The following PDLIM5 variants were observed in gnomAD, a reference collection of about 807,000 sequenced individuals.
The protein encoded by PDLIM5 is PDZ and LIM domain 5.
PDLIM5 carries 34 observed loss-of-function variants against 64.2 expected under a neutral mutation model. That is an observed-to-expected ratio of 0.53 (90% CI 0.40 to 0.71). PDLIM5 has a LOEUF of 0.71. Among genes scored for constraint, PDLIM5 ranks in the 30% least tolerant of loss-of-function variants. The pLI, the probability that PDLIM5 is intolerant of heterozygous loss-of-function variation, is 0.00. For missense variants in PDLIM5, 683 were observed against 733.6 expected (o/e 0.93, Z 0.80); for synonymous variants, 253 against 269.1 (o/e 0.94, Z 0.59).
chr4:94,573,447 C>T, intron 4 of PDLIM5, 54 bp downstream of exon 4: 2 of 1,291,026 alleles, frequency 1.5e-6, no homozygotes, highest in South Asian at 2.4e-5. Flanking sequence ...TGCTGAGCTA[C>T]TGTAATTCCC....
At chr4:94,493,505 G>T (rs1200010521) in intron 2 of PDLIM5, among the ~76,000 whole-genome samples, 1 of 151,870 alleles carries the variant, frequency 6.6e-6, no homozygotes, top group Non-Finnish European at 1.5e-5. Context: ...TGGTAGTGAC[G>T]GAGTTTCATC....
intron 5 of PDLIM5, chr4:94,584,788 T>G (rs929757032): frequency 2.1e-5 from 11 of 519,812 alleles, no homozygotes; most frequent in African/African-American, 1.6e-4. Flanking sequence ...ATATTGATAT[T>G]AATGGCCGTT....
At chr4:94,546,379 C>T (rs891167899) in intron 3 of PDLIM5, among the ~76,000 whole-genome samples, 5 of 152,024 alleles carry the variant, frequency 3.3e-5, no homozygotes, top group Non-Finnish European at 7.4e-5. Flanking sequence ...GGAATAGTTG[C>T]TCATTGGAAG....
chr4:94,456,745 T>G lies in PDLIM5; in HGVS notation c.96+1361T>G, dbSNP rs1723408849. 4.9e-6 allele frequency: 6 copies of G among 1,225,186 alleles called. No individual in the cohort carries two copies. The African/African-American group carries it at 9.5e-5, about 19-fold the overall frequency. The allele number at this position is 1,225,186 out of a possible 1,614,324, so 75.9% of individuals were successfully genotyped here. ...GTGAATATATGTATCTACGTCATTT[T>G]GAAAGGTTGTGCCAATTTACACTTT... is the stretch of plus-strand genomic sequence containing the variant. On this transcript the variant is annotated intron_variant, in intron 2 of 12. Coordinates refer to ENST00000317968, the MANE Select transcript of PDLIM5 (RefSeq NM_006457.5).
At chr4:94,480,406 A>C (rs1377420632) in intron 2 of PDLIM5, among the ~76,000 whole-genome samples, 1 of 152,244 alleles carries the variant, frequency 6.6e-6, no homozygotes, top group South Asian at 2.1e-4. Flanking sequence ...TTGGTAGAGC[A>C]GAGAAATCAA....
intron 8 of PDLIM5, among the ~76,000 whole-genome samples, chr4:94,628,059 A>G (rs1739844979): frequency 6.6e-6 from 1 of 152,184 alleles, no homozygotes; most frequent in Non-Finnish European, 1.5e-5. Context: ...AATAATTGAC[A>G]TGTATGAAGC....
At chr4:94,619,627 G>A (rs1183865994) in intron 8 of PDLIM5, among the ~76,000 whole-genome samples, 2 of 150,006 alleles carry the variant, frequency 1.3e-5, no homozygotes, top group Non-Finnish European at 2.9e-5. Flanking sequence ...GCGACAGAGC[G>A]AGACTCCATC....
intron 3 of PDLIM5, among the ~76,000 whole-genome samples, chr4:94,572,359 A>G (rs998412483): frequency 2.3e-4 from 35 of 152,288 alleles, no homozygotes; most frequent in African/African-American, 8.4e-4. Context: ...GTTCCTGTCC[A>G]TGAATACAAA....
At chr4:94,476,433 A>G (rs911220590) in intron 2 of PDLIM5, among the ~76,000 whole-genome samples, 1 of 152,160 alleles carries the variant, frequency 6.6e-6, no homozygotes, top group African/African-American at 2.4e-5. Context: ...AATTATACAT[A>G]TATATATTCC....
At position 94,657,749 on chromosome 4, in the gene PDLIM5, C is replaced by G. The variant is rs1260100834; in HGVS notation, c.1585+202C>G. 7.2e-5 allele frequency among the ~76,000 whole-genome samples: 11 copies of G among 151,982 alleles called. No individual in the cohort carries two copies. The South Asian group carries it at 8.3e-4, about 11-fold the overall frequency. On this transcript the variant is annotated intron_variant, in intron 11 of 12. Coordinates refer to ENST00000317968, the MANE Select transcript of PDLIM5 (RefSeq NM_006457.5). Reference sequence around the variant, plus strand: ...GAGACGGAGTCTCACCCTTGTTGCCCAGACTGCAGTGCAATGGCCCAATCT... The same window carrying G: ...GAGACGGAGTCTCACCCTTGTTGCCGAGACTGCAGTGCAATGGCCCAATCT...
At chr4:94,640,195 T>C in intron 8 of PDLIM5, 81 bp from the exon 9 acceptor site, 1 of 677,800 alleles carries the variant, frequency 1.5e-6, no homozygotes, top group South Asian at 2.9e-5. Context: ...ACTGTTAAAA[T>C]AATAATTTTT....
At chr4:94,455,967 T>C in intron 2 of PDLIM5, 1 of 1,486,032 alleles carries the variant, frequency 6.7e-7, no homozygotes, top group Non-Finnish European at 8.9e-7. Context: ...TTAGTTTGAA[T>C]GTATTCTGTG....
chr4:94,587,110 A>G, intron 7 of PDLIM5: 1 of 1,579,040 alleles, frequency 6.3e-7, no homozygotes. Flanking sequence ...CCAAGCAGCC[A>G]GCACATACCT....
At chr4:94,523,670 A>G in intron 2 of PDLIM5, 54 bp from the exon 3 acceptor site, 1 of 1,390,822 alleles carries the variant, frequency 7.2e-7, no homozygotes, top group Non-Finnish European at 1.0e-6. Context: ...TTTTATCAGC[A>G]TTTATTATTC....
chr4:94,562,265 T>G (rs538394733), intron 3 of PDLIM5, among the ~76,000 whole-genome samples: 3 of 152,324 alleles, frequency 2.0e-5, no homozygotes, highest in South Asian at 2.1e-4. Context: ...TCAGTTTTTT[T>G]GGGTCAAGAC....
intron 3 of PDLIM5, among the ~76,000 whole-genome samples, chr4:94,571,686 AATT>A (rs1279261815): frequency 4.6e-5 from 7 of 152,188 alleles, no homozygotes; most frequent in Non-Finnish European, 1.0e-4. Context: ...ATCCTTTAAA[AATT>A]ATTGTTTTTA....
chr4:94,627,777 A>G (rs1407837342), intron 8 of PDLIM5, among the ~76,000 whole-genome samples: 1 of 152,212 alleles, frequency 6.6e-6, no homozygotes, highest in Admixed American at 6.5e-5. Flanking sequence ...TAAGAATAAC[A>G]ATGCTTGATA....
chr4:94,498,637 A>G (rs1016234151), intron 2 of PDLIM5, among the ~76,000 whole-genome samples: 4 of 152,198 alleles, frequency 2.6e-5, no homozygotes, highest in African/African-American at 4.8e-5. Flanking sequence ...GCCATTTCCC[A>G]TTGCCTCTTT....
intron 8 of PDLIM5, among the ~76,000 whole-genome samples, chr4:94,623,595 A>G (rs769716883): frequency 6.6e-6 from 1 of 151,746 alleles, no homozygotes; most frequent in Non-Finnish European, 1.5e-5. Context: ...CTTTGAGGAC[A>G]GGGACCAAGT....
Sources: gnomAD v4.1 joint callset for allele counts (sites outside exome capture counted in the v4.1 genomes callset) on GRCh38, gnomAD v4.1.1 for gene constraint, MANE v1.5 for transcripts, NCBI Gene and HGNC (gene_info 2026-07-23, HGNC 2026-07-21) for gene names.